The following CSMD1 variants were observed in gnomAD, a reference collection of about 807,000 sequenced individuals.
CSMD1 encodes the protein CUB and Sushi multiple domains 1.
A neutral mutation model predicts 417.5 loss-of-function variants in CSMD1; 213 were observed. That is an observed-to-expected ratio of 0.51 (90% CI 0.46 to 0.57). The LOEUF is 0.57. Among genes scored for constraint, CSMD1 ranks in the 20% least tolerant of loss-of-function variants. The probability of loss-of-function intolerance (pLI) is 0.00; values close to 1 mark genes in which losing one functional copy is unlikely to be tolerated. For synonymous variants in CSMD1, 2,862 were observed against 1,736.8 expected, an observed-to-expected ratio of 1.65 and a Z score of -16.11; for missense variants, 6,923 against 4,529.7, an observed-to-expected ratio of 1.53 and a Z score of -15.17.
At chr8:4,363,856 T>C (rs1801916706) in intron 3 of CSMD1, among the ~76,000 whole-genome samples, 1 of 151,980 alleles carries the variant, frequency 6.6e-6, no homozygotes, top group Non-Finnish European at 1.5e-5. Context: ...ATCAAAACAA[T>C]AGAACTCATG....
At chr8:4,457,671 T>G (rs1799570604) in intron 2 of CSMD1, among the ~76,000 whole-genome samples, 1 of 152,176 alleles carries the variant, frequency 6.6e-6, no homozygotes, top group Non-Finnish European at 1.5e-5. Flanking sequence ...GCTCAGACAA[T>G]GAAGAGCACT....
chr8:4,954,214 A>C (rs189435293), intron 1 of CSMD1, among the ~76,000 whole-genome samples: 1 of 152,208 alleles, frequency 6.6e-6, no homozygotes, highest in East Asian at 1.9e-4. Flanking sequence ...CCCTAACCTC[A>C]AGGAGCTCAG....
intron 10 of CSMD1, among the ~76,000 whole-genome samples, chr8:3,499,659 G>C (rs767002857): frequency 6.6e-6 from 1 of 151,982 alleles, no homozygotes; most frequent in Non-Finnish European, 1.5e-5. Context: ...CTTGAGAGTG[G>C]CCTCCCGACT....
chr8:4,952,521 A>C (rs1808821873), intron 1 of CSMD1, among the ~76,000 whole-genome samples: 1 of 152,058 alleles, frequency 6.6e-6, no homozygotes. Context: ...GAATTACTTA[A>C]ATTCTATTTT....
At chr8:4,240,268 C>T (rs1207012191) in intron 3 of CSMD1, among the ~76,000 whole-genome samples, 1 of 152,222 alleles carries the variant, frequency 6.6e-6, no homozygotes, top group Non-Finnish European at 1.5e-5. Context: ...AGCCTTTTCA[C>T]TGGGAAACCT....
intron 1 of CSMD1, among the ~76,000 whole-genome samples, chr8:4,735,451 T>C (rs2116977322): frequency 6.6e-6 from 1 of 152,320 alleles, no homozygotes; most frequent in East Asian, 1.9e-4. Context: ...GATCTGCAAG[T>C]GTTGTAGGAC....
chr8:4,889,565 C>G (rs770104909), intron 1 of CSMD1, among the ~76,000 whole-genome samples: 5 of 151,848 alleles, frequency 3.3e-5, no homozygotes, highest in Non-Finnish European at 7.4e-5. Context: ...TATTTTTAAA[C>G]TGTCTATAAG....
intron 1 of CSMD1, among the ~76,000 whole-genome samples, chr8:4,757,408 A>G (rs1399384702): frequency 6.6e-6 from 1 of 152,174 alleles, no homozygotes; most frequent in Non-Finnish European, 1.5e-5. Flanking sequence ...CATCTATACA[A>G]TAGTCACCAA....
chr8:4,233,300 C>A (rs1210009271), intron 3 of CSMD1, among the ~76,000 whole-genome samples: 15 of 152,296 alleles, frequency 9.8e-5, no homozygotes, highest in African/African-American at 3.6e-4. Flanking sequence ...CCAGCCACAT[C>A]TCAAATTTGA....
intron 26 of CSMD1, chr8:3,278,390 C>A (rs1305957639): frequency 6.6e-6 from 1 of 152,140 alleles, no homozygotes; most frequent in African/African-American, 2.4e-5. Context: ...TTTAATCACA[C>A]CTCTAATGCT....
At chr8:4,296,708 T>TC (rs1554520873) in intron 3 of CSMD1, among the ~76,000 whole-genome samples, 2 of 150,204 alleles carry the variant, frequency 1.3e-5, no homozygotes, top group Non-Finnish European at 3.0e-5. Context: ...TTTTTTTTTT[T>TC]TTTTTTTCTC....
intron 1 of CSMD1, among the ~76,000 whole-genome samples, chr8:4,681,091 A>T (rs1232342593): frequency 6.6e-6 from 1 of 152,098 alleles, no homozygotes; most frequent in African/African-American, 2.4e-5. Flanking sequence ...ATGAAAAATA[A>T]TTAATGTCTC....
Position 3,692,043 on chromosome 8 carries a change from C to T in CSMD1, c.1009+16371G>A, listed in dbSNP as rs115898955. Among the ~76,000 whole-genome samples the T allele has an allele frequency of 8.7e-3, 1,328 of 152,288 alleles. 23 individuals are homozygous for T. The highest frequency in any genetic ancestry group is 0.029 in the African/African-American group (1,208 of 41,568). Reference sequence around the variant, plus strand: ...CATCATCAGCAGAGCCGTCACTCAGCGATCTGCCTGCTCCGGGTGAGATCT... The same window carrying T: ...CATCATCAGCAGAGCCGTCACTCAGTGATCTGCCTGCTCCGGGTGAGATCT... On this transcript the variant is annotated intron_variant, in intron 7 of 69. Transcript: ENST00000635120.
chr8:3,595,148 T>A (rs11996103), intron 8 of CSMD1, among the ~76,000 whole-genome samples: 16,024 of 152,134 alleles, frequency 0.11, 969 homozygotes, highest in East Asian at 0.17. Flanking sequence ...CTTGGACAAT[T>A]CACCGGATGG....
chr8:2,979,076 G>C (rs1484213983), intron 54 of CSMD1, among the ~76,000 whole-genome samples: 2 of 152,204 alleles, frequency 1.3e-5, no homozygotes, highest in Non-Finnish European at 2.9e-5. Context: ...AAATTCTGAA[G>C]TTAGTTTCCT....
At chr8:3,679,564 A>G (rs1254921270) in intron 7 of CSMD1, among the ~76,000 whole-genome samples, 1 of 152,194 alleles carries the variant, frequency 6.6e-6, no homozygotes, top group Admixed American at 6.5e-5. Flanking sequence ...AGAGAGACTT[A>G]GACTCCCACA....
chr8:4,837,585 A>C (rs1320251702), intron 1 of CSMD1, among the ~76,000 whole-genome samples: 4 of 152,186 alleles, frequency 2.6e-5, no homozygotes, highest in African/African-American at 4.8e-5. Context: ...AACATAGAGA[A>C]TACAAGGATG....
At chr8:3,491,615 T>G (rs1532582) in intron 11 of CSMD1, among the ~76,000 whole-genome samples, 112,379 of 152,028 alleles carry the variant, frequency 0.74, 41,730 homozygotes, top group Middle Eastern at 0.82. Flanking sequence ...AATGAAGGAG[T>G]CGTGTCCCTG....
At chr8:4,170,838 A>G (rs1273725874) in intron 3 of CSMD1, among the ~76,000 whole-genome samples, 2 of 151,852 alleles carry the variant, frequency 1.3e-5, no homozygotes, top group East Asian at 3.9e-4. Flanking sequence ...CATTTATAAC[A>G]TAAGCATGAA....
Sources: gnomAD v4.1 joint callset for allele counts (sites outside exome capture counted in the v4.1 genomes callset) on GRCh38, gnomAD v4.1.1 for gene constraint, MANE v1.5 for transcripts, NCBI Gene and HGNC (gene_info 2026-07-23, HGNC 2026-07-21) for gene names.